INSR: variants seen among roughly 807,000 people sequenced by gnomAD.
The protein encoded by INSR is IR.
A neutral mutation model predicts 142.6 loss-of-function variants in INSR; 67 were observed. That is an observed-to-expected ratio of 0.47 (90% CI 0.39 to 0.58). The LOEUF (loss-of-function observed/expected upper bound fraction) is 0.58, where lower values mean the gene tolerates loss of function less well. Among genes scored for constraint, INSR ranks in the 20% least tolerant of loss-of-function variants. INSR has a pLI of 0.00. For missense variants in INSR, 1,248 were observed against 1,833.2 expected (o/e 0.68, Z 5.83); for synonymous variants, 756 against 743.1 (o/e 1.02, Z -0.28).
Position 7,122,992 on chromosome 19 carries a change from G to T in INSR, c.3259-3C>A, listed in dbSNP as rs1312552442. The T allele has an allele frequency of 2.5e-6, 4 of 1,589,712 alleles. No individual in the cohort carries two copies. The highest frequency in any genetic ancestry group is 1.7e-6 in the Non-Finnish European group (2 of 1,168,112). On this transcript the variant is annotated splice_polypyrimidine_tract_variant and splice_region_variant and intron_variant, in intron 17 of 21. Coordinates refer to ENST00000302850, the MANE Select transcript of INSR (RefSeq NM_000208.4). ...GACACCACTCCCAGGAGGCGCACCT[G>T]CAGAGCAAGCAACCAGGGTTCTTGG...
At chr19:7,207,649 C>G (rs8106071) in intron 2 of INSR, among the ~76,000 whole-genome samples, 48,275 of 149,952 alleles carry the variant, frequency 0.32, 7,887 homozygotes, top group South Asian at 0.46. Context: ...ATGGGCCGGG[C>G]CAGTGGCTCA....
chr19:7,199,856 T>TG (rs5826963), intron 2 of INSR, among the ~76,000 whole-genome samples: 113,751 of 151,566 alleles, frequency 0.75, 42,890 homozygotes, highest in African/African-American at 0.8. Context: ...AAGGGAAAGA[T>TG]GTGTCTGTCT....
At position 7,267,186 on chromosome 19, in the gene INSR, A is replaced by G. The variant is rs1019607890; in HGVS notation, c.652+159T>C. On this transcript the variant is annotated intron_variant, in intron 2 of 21. Coordinates refer to ENST00000302850, the MANE Select transcript of INSR (RefSeq NM_000208.4). The surrounding 1 kb of genome is among the most constrained non-coding windows in gnomAD (Gnocchi z 6.3). ...TGAAGTATCTACTATCTGAGTCTTT[A>G]CAGAAAATGTCTGCCACTCCCTGGG... Among the ~76,000 whole-genome samples the G allele has an allele frequency of 2.6e-5, 4 of 152,170 alleles. No individual in the cohort carries two copies. Among genetic ancestry groups the G allele is most frequent in the Admixed American group, 1.3e-4 (2 of 15,262 alleles).
At chr19:7,123,166 GT>G in intron 17 of INSR, 177 bp from the exon 18 acceptor site, 1 of 603,880 alleles carries the variant, frequency 1.7e-6, no homozygotes, top group Non-Finnish European at 2.9e-6. Flanking sequence ...ATAGGCCTTT[GT>G]ATTTTTTTTT....
In INSR at chr19:7,170,543, C is replaced by T; in HGVS notation, c.1477G>A (p.Ala493Thr). The T allele has an allele frequency of 1.9e-6, 3 of 1,611,684 alleles. No individual in the cohort carries two copies. Among genetic ancestry groups the T allele is most frequent in the Non-Finnish European group, 2.5e-6 (3 of 1,179,028 alleles). The part of the protein sequence containing the change: ...DIALKTNGDQ[A>T]SCENELLKFS... ...TTGGGGACCAGTGACTTACAGGATG[C>T]CTGGTCCCCATTGGTCTTCAGGGCA... The change falls in exon 6 of 22, where the codon GCA becomes ACA. Residue 493 changes from alanine to threonine, a missense_variant. This residue lies in a region of INSR where 1,069 missense variants were observed against 1,654.0 expected (regional missense o/e 0.65). Transcript: ENST00000302850.
chr19:7,278,349 G>A (rs754152385), intron 1 of INSR, among the ~76,000 whole-genome samples: 1 of 152,192 alleles, frequency 6.6e-6, no homozygotes. Flanking sequence ...AAACCAAGAA[G>A]CCAGCAAGGA....
intron 14 of INSR, 120 bp downstream of exon 14, chr19:7,132,038 G>A: frequency 8.2e-7 from 1 of 1,223,318 alleles, no homozygotes; most frequent in Non-Finnish European, 1.2e-6. Context: ...GCAGCTGATA[G>A]GCCTGAGAGT....
chr19:7,195,516 G>A (rs1974720441), intron 2 of INSR, among the ~76,000 whole-genome samples: 1 of 152,002 alleles, frequency 6.6e-6, no homozygotes, highest in Non-Finnish European at 1.5e-5. Context: ...GGTGGCGCAT[G>A]CCTGTAATCC....
rs1250663522 is a variant in INSR at position 7,196,873 on chromosome 19, A to G, written c.653-12236T>C. Among the ~76,000 whole-genome samples, 4 of 152,132 alleles carry G rather than the reference A, an allele frequency of 2.6e-5. 1 individual carries two copies. Among genetic ancestry groups the G allele is most frequent in the Admixed American group, 2.6e-4 (4 of 15,270 alleles). Reference sequence around the variant, plus strand: ...ACAGTTGCGTCATGGGCCTGCTGGTACATTGACCACAGGGCCCCGCGGCTC... The same window carrying G: ...ACAGTTGCGTCATGGGCCTGCTGGTGCATTGACCACAGGGCCCCGCGGCTC... On this transcript the variant is annotated intron_variant, in intron 2 of 21. Coordinates refer to ENST00000302850, the MANE Select transcript of INSR (RefSeq NM_000208.4).
In INSR at chr19:7,150,979, TTC is replaced by T. The variant is rs1325377628; in HGVS notation, c.2232-449_2232-448del. ...TTCCTTCTTTCCTCTTTTACTTTCTTTCTCTCTTTTTCCCTCTTTCCTTCCTT... is the reference window on the plus strand; with the variant it reads ...TTCCTTCTTTCCTCTTTTACTTTCTTTCTCTTTTTCCCTCTTTCCTTCCTT... On this transcript the variant is annotated intron_variant, in intron 10 of 21. Transcript: ENST00000302850. This position sits in a 1 kb window ranked among gnomAD's most constrained non-coding sequence, Gnocchi z 4.2. 6.6e-6 allele frequency among the ~76,000 whole-genome samples: 1 copy of T among 151,316 alleles called. No homozygotes were observed. The highest frequency in any genetic ancestry group is 1.5e-5 in the Non-Finnish European group (1 of 67,792).
intron 2 of INSR, among the ~76,000 whole-genome samples, chr19:7,250,588 A>AGGAAGGAAGGAGAGGAGGGAG (rs1568218223): frequency 8.9e-6 from 1 of 112,248 alleles, no homozygotes; most frequent in African/African-American, 3.4e-5. Context: ...GAGGGAGGGA[A>AGGAAGGAAGGAGAGGAGGGAG]GGAAGGAAGG....
intron 2 of INSR, among the ~76,000 whole-genome samples, chr19:7,199,186 CTGTT>C (rs1280723157): frequency 1.3e-5 from 2 of 152,014 alleles, no homozygotes; most frequent in African/African-American, 2.4e-5. Context: ...AGTGTGTAAT[CTGTT>C]TGCAGCACAC....
chr19:7,177,702 A>T (rs376743735), intron 3 of INSR, among the ~76,000 whole-genome samples: 1,670 of 90,584 alleles, frequency 0.018, no homozygotes, highest in Middle Eastern at 0.032. Flanking sequence ...CTAATTTTGT[A>T]TTTTTTTTTT....
chr19:7,249,799 T>A (rs1976651821), intron 2 of INSR, among the ~76,000 whole-genome samples: 1 of 152,278 alleles, frequency 6.6e-6, no homozygotes, highest in East Asian at 1.9e-4. Context: ...GAGACCATCC[T>A]GGCTAACAGG....
At position 7,184,578 on chromosome 19, in the gene INSR, C is replaced by T. The variant is rs761203947; in HGVS notation, c.712G>A (p.Glu238Lys). Residue 238 changes from glutamate to lysine, a missense_variant, in exon 3 of 22, where the codon GAG becomes AAG. Glu to Lys is a moderately conservative substitution (Grantham distance 56). Transcript: ENST00000302850. ...GGCTGAGAACAGTTGCCCAGGCACT[C>T]GCTGTGGCAACAGAGGCCTTCGGCG... ...CTAEGLCCHS[E>K]CLGNCSQPDD... 3 of 1,613,546 alleles carry T rather than the reference C, an allele frequency of 1.9e-6. No homozygotes were observed. The highest frequency in any genetic ancestry group is 1.7e-5 in the Admixed American group (1 of 59,954).
At chr19:7,238,960 C>A (rs1355713838) in intron 2 of INSR, among the ~76,000 whole-genome samples, 1 of 11,602 alleles carries the variant, frequency 8.6e-5, no homozygotes. Flanking sequence ...CAGATGAATT[C>A]TCAAAAAAAA....
At chr19:7,173,632 T>C (rs1298708288) in intron 4 of INSR, among the ~76,000 whole-genome samples, 1 of 141,868 alleles carries the variant, frequency 7.0e-6, no homozygotes, top group Non-Finnish European at 1.5e-5. Context: ...TTTTTTTTTT[T>C]TTTTTGAGAT....
intron 2 of INSR, among the ~76,000 whole-genome samples, chr19:7,255,166 G>T (rs75843747): frequency 1.9e-3 from 294 of 152,238 alleles, no homozygotes; most frequent in African/African-American, 6.8e-3. Context: ...ATCTTTCAGC[G>T]CAGCCTTGAA....
At chr19:7,185,840 T>G (rs1435494103) in intron 2 of INSR, among the ~76,000 whole-genome samples, 1 of 6,022 alleles carries the variant, frequency 1.7e-4, no homozygotes, top group Non-Finnish European at 4.1e-4. Flanking sequence ...CAAAATTCTG[T>G]CAAAAAAAAA....
Sources: allele counts gnomAD v4.1 joint callset (sites outside exome capture counted in the v4.1 genomes callset), GRCh38; gene constraint gnomAD v4.1.1; regional missense constraint gnomAD v4.1.1; non-coding constraint Gnocchi (gnomAD v3.1); transcripts MANE v1.5; gene names NCBI Gene and HGNC (gene_info 2026-07-23, HGNC 2026-07-21).